The following CTNNA3 variants were observed in gnomAD, a reference collection of about 807,000 sequenced individuals.
The protein encoded by CTNNA3 is catenin alpha-3.
In CTNNA3, 76 loss-of-function variants were observed where a neutral mutation model predicts 95.7. The observed-to-expected ratio is 0.79, with a 90% confidence interval of 0.66 to 0.96. The LOEUF (loss-of-function observed/expected upper bound fraction) is 0.96. Among genes scored for constraint, CTNNA3 ranks in the 40% least tolerant of loss-of-function variants. The pLI, the probability that CTNNA3 is intolerant of heterozygous loss-of-function variation, is 0.00. For missense variants in CTNNA3, 1,191 were observed against 1,089.8 expected (o/e 1.09, Z -1.31); for synonymous variants, 431 against 374.4 (o/e 1.15, Z -1.74).
At chr10:66,290,332 G>A (rs994207445) in intron 12 of CTNNA3, among the ~76,000 whole-genome samples, 12 of 152,084 alleles carry the variant, frequency 7.9e-5, no homozygotes, top group Admixed American at 7.2e-4. Context: ...TTAAGGTACA[G>A]CAATTAAGTA....
chr10:66,330,728 A>G (rs2132317463), intron 12 of CTNNA3, among the ~76,000 whole-genome samples: 1 of 152,134 alleles, frequency 6.6e-6, no homozygotes, highest in Middle Eastern at 3.4e-3. Context: ...CCTCTCCAGC[A>G]CCTGTAGTTT....
At chr10:67,493,876 G>C (rs1274459853) in intron 5 of CTNNA3, among the ~76,000 whole-genome samples, 1 of 152,180 alleles carries the variant, frequency 6.6e-6, no homozygotes, top group Non-Finnish European at 1.5e-5. Flanking sequence ...CATTGCTGCT[G>C]CTGTTGTTGC....
intron 7 of CTNNA3, among the ~76,000 whole-genome samples, chr10:67,007,258 C>A (rs1174276027): frequency 4.6e-5 from 7 of 152,150 alleles, no homozygotes; most frequent in Non-Finnish European, 7.4e-5. Flanking sequence ...GACTGTGACT[C>A]ACCATGTATT....
intron 12 of CTNNA3, among the ~76,000 whole-genome samples, chr10:66,282,306 C>G (rs1017124992): frequency 6.6e-6 from 1 of 151,818 alleles, no homozygotes; most frequent in Non-Finnish European, 1.5e-5. Flanking sequence ...TAATCTAGAC[C>G]TTTCTCCTTA....
intron 15 of CTNNA3, among the ~76,000 whole-genome samples, chr10:66,067,613 G>A (rs749633972): frequency 2.6e-5 from 4 of 151,940 alleles, no homozygotes; most frequent in Non-Finnish European, 5.9e-5. Context: ...GAGGCCAAGG[G>A]TTTCCTTTAT....
intron 13 of CTNNA3, among the ~76,000 whole-genome samples, chr10:66,137,736 CAGG>C (rs1482208410): frequency 6.6e-6 from 1 of 151,938 alleles, no homozygotes; most frequent in East Asian, 1.9e-4. Flanking sequence ...AACCTGAGGT[CAGG>C]AGTTCAGGAT....
intron 10 of CTNNA3, among the ~76,000 whole-genome samples, chr10:66,585,081 T>A (rs1308441959): frequency 6.6e-6 from 1 of 152,068 alleles, no homozygotes; most frequent in East Asian, 1.9e-4. Context: ...TGTTATAGGT[T>A]ACCTGATGCT....
In CTNNA3 at chr10:67,430,853, A is replaced by C. The variant is rs188803670; in HGVS notation, c.579+90989T>G. 4.9e-3 allele frequency among the ~76,000 whole-genome samples: 728 copies of C among 150,042 alleles called. 7 individuals carry two copies. The highest frequency in any genetic ancestry group is 0.017 in the African/African-American group (685 of 40,840). ...CACACACACACACACACACACACAC[A>C]CCCTCACACATTTCGCCTAAAAAGA... On this transcript the variant is annotated intron_variant, in intron 5 of 17. Coordinates refer to ENST00000433211, the MANE Select transcript of CTNNA3 (RefSeq NM_013266.4).
At chr10:67,470,682 T>C (rs953968160) in intron 5 of CTNNA3, among the ~76,000 whole-genome samples, 4 of 152,060 alleles carry the variant, frequency 2.6e-5, no homozygotes, top group Admixed American at 6.6e-5. Context: ...AGTGAGACTA[T>C]AACTATGACC....
chr10:66,734,319 T>G (rs1386587557), intron 9 of CTNNA3, among the ~76,000 whole-genome samples: 2 of 152,108 alleles, frequency 1.3e-5, no homozygotes, highest in African/African-American at 4.8e-5. Flanking sequence ...ATCTTCCTTA[T>G]TTCCACTCTT....
At chr10:66,305,385 A>G (rs892517988) in intron 12 of CTNNA3, among the ~76,000 whole-genome samples, 2 of 152,130 alleles carry the variant, frequency 1.3e-5, no homozygotes, top group Non-Finnish European at 1.5e-5. Flanking sequence ...CACATGAAAA[A>G]CTGAAAAGAA....
intron 3 of CTNNA3, among the ~76,000 whole-genome samples, chr10:67,595,573 GT>G (rs202195875): frequency 0.016 from 2,421 of 152,284 alleles, 23 homozygotes; most frequent in South Asian, 0.034. Flanking sequence ...TGATTTTAGA[GT>G]ATGTGCCATG....
At chr10:66,132,291 T>C (rs1032954921) in intron 13 of CTNNA3, among the ~76,000 whole-genome samples, 1 of 152,036 alleles carries the variant, frequency 6.6e-6, no homozygotes, top group African/African-American at 2.4e-5. Flanking sequence ...CCAATGAGCA[T>C]AGGAAAAAAA....
intron 10 of CTNNA3, among the ~76,000 whole-genome samples, chr10:66,608,252 G>A (rs569362617): frequency 2.6e-5 from 4 of 152,038 alleles, no homozygotes; most frequent in Non-Finnish European, 4.4e-5. Flanking sequence ...GAGGTGAAAG[G>A]TCTCTACAAT....
chr10:66,667,605 C>T (rs893482425), intron 9 of CTNNA3, among the ~76,000 whole-genome samples: 4 of 152,092 alleles, frequency 2.6e-5, no homozygotes, highest in South Asian at 4.1e-4. Context: ...ATCCAGATTG[C>T]CTGGCTCTAG....
intron 7 of CTNNA3, among the ~76,000 whole-genome samples, chr10:67,176,645 T>C (rs1044574383): frequency 6.6e-6 from 1 of 152,220 alleles, no homozygotes; most frequent in South Asian, 2.1e-4. Flanking sequence ...AAGAGGGATT[T>C]TGCAGATGTA....
chr10:66,943,864 A>C (rs1166637418), intron 7 of CTNNA3, among the ~76,000 whole-genome samples: 2 of 152,188 alleles, frequency 1.3e-5, no homozygotes, highest in Non-Finnish European at 2.9e-5. Context: ...CACTATGTCA[A>C]AGAAACAATG....
intron 12 of CTNNA3, among the ~76,000 whole-genome samples, chr10:66,301,055 C>T (rs1460271906): frequency 6.6e-6 from 1 of 151,972 alleles, no homozygotes; most frequent in Non-Finnish European, 1.5e-5. Context: ...CAACCCTATA[C>T]TCACAAATAT....
chr10:66,140,493 G>A (rs894638845), intron 13 of CTNNA3, among the ~76,000 whole-genome samples: 1 of 152,118 alleles, frequency 6.6e-6, no homozygotes, highest in Non-Finnish European at 1.5e-5. Context: ...TCTATGTTAC[G>A]ATTTCTCTAA....
Sources: allele counts gnomAD v4.1 joint callset (sites outside exome capture counted in the v4.1 genomes callset), GRCh38; gene constraint gnomAD v4.1.1; transcripts MANE v1.5; gene names NCBI Gene and HGNC (gene_info 2026-07-23, HGNC 2026-07-21).